Variants in KALRN observed in about 807,000 individuals in gnomAD.
KALRN encodes kalirin.
KALRN carries 70 observed loss-of-function variants against 353.7 expected under a neutral mutation model. The observed-to-expected ratio is 0.20, with a 90% confidence interval of 0.16 to 0.24. The LOEUF (loss-of-function observed/expected upper bound fraction) is 0.24, where lower values mean the gene tolerates loss of function less well. Ranked by LOEUF, KALRN falls within the 10% of genes least tolerant of loss-of-function variation. KALRN has a pLI of 1.00. For synonymous variants in KALRN, 1,391 were observed against 1,434.8 expected, an observed-to-expected ratio of 0.97 and a Z score of 0.69; for missense variants, 2,791 against 3,756.7, an observed-to-expected ratio of 0.74 and a Z score of 6.72.
chr3:124,243,514 G>T (rs2080759957), intron 3 of KALRN, among the ~76,000 whole-genome samples: 1 of 152,114 alleles, frequency 6.6e-6, no homozygotes, highest in Non-Finnish European at 1.5e-5. Context: ...CTGGACAAAA[G>T]AATTCCTAAT....
At chr3:124,163,647 G>T (rs931747483) in intron 1 of KALRN, 1 of 984,386 alleles carries the variant, frequency 1.0e-6, no homozygotes, top group African/African-American at 1.7e-5. Context: ...AAGAAGAAAG[G>T]CTATAAAGGT....
At chr3:124,321,313 ATAACT>A (rs1463042054) in intron 6 of KALRN, among the ~76,000 whole-genome samples, 7 of 152,256 alleles carry the variant, frequency 4.6e-5, no homozygotes, top group African/African-American at 1.7e-4. Flanking sequence ...CCCCTGACAC[ATAACT>A]TAAGGTTACC....
At chr3:124,435,758 G>A (rs1305483167) in intron 17 of KALRN, among the ~76,000 whole-genome samples, 2 of 152,150 alleles carry the variant, frequency 1.3e-5, no homozygotes, top group African/African-American at 4.8e-5. Flanking sequence ...AGATGATAGA[G>A]AGCTTCCCCA....
intron 1 of KALRN, among the ~76,000 whole-genome samples, chr3:124,070,189 G>A (rs2059946907): frequency 6.6e-6 from 1 of 152,178 alleles, no homozygotes; most frequent in Admixed American, 6.5e-5. Context: ...TATGGACAGA[G>A]ACAACTGTTA....
At chr3:124,537,794 T>C (rs985506424) in intron 33 of KALRN, among the ~76,000 whole-genome samples, 7 of 152,206 alleles carry the variant, frequency 4.6e-5, no homozygotes, top group African/African-American at 9.6e-5. Context: ...TTATGTGGTA[T>C]GCTCAGGGAT....
At chr3:124,214,293 G>A (rs2077133374) in intron 1 of KALRN, among the ~76,000 whole-genome samples, 5 of 152,096 alleles carry the variant, frequency 3.3e-5, no homozygotes, top group Admixed American at 3.3e-4. Flanking sequence ...AATATTTAAT[G>A]CATATTTAAT....
chr3:124,613,482 T>A (rs2078232141), intron 34 of KALRN, among the ~76,000 whole-genome samples: 1 of 152,158 alleles, frequency 6.6e-6, no homozygotes, highest in Admixed American at 6.6e-5. Flanking sequence ...ATCAGTTTGT[T>A]TTATCTGCCC....
intron 8 of KALRN, among the ~76,000 whole-genome samples, chr3:124,332,994 C>G (rs2080756411): frequency 6.6e-6 from 1 of 152,172 alleles, no homozygotes; most frequent in African/African-American, 2.4e-5. Context: ...TTGATGCACT[C>G]ACAGTTTCAC....
rs149692848 is a variant in KALRN, at chr3:124,269,820, G to A, written c.969+565G>A. On this transcript the variant is annotated intron_variant, in intron 5 of 59. Transcript: ENST00000682506. Reference sequence around the variant, plus strand: ...CATCTCTCTTGACATGCAGGGAAACGGATGTTCTTTGATCTTGGGTCTACA... The same window carrying A: ...CATCTCTCTTGACATGCAGGGAAACAGATGTTCTTTGATCTTGGGTCTACA... Among the ~76,000 whole-genome samples the A allele has an allele frequency of 5.7e-3, 875 of 152,274 alleles. 6 individuals are homozygous for A. Among genetic ancestry groups the A allele is most frequent in the African/African-American group, 0.019 (799 of 41,552 alleles).
intron 1 of KALRN, among the ~76,000 whole-genome samples, chr3:124,185,327 C>G (rs2074088416): frequency 6.6e-6 from 1 of 152,186 alleles, no homozygotes; most frequent in Admixed American, 6.5e-5. Context: ...CTAACAAATG[C>G]AACAAGCTAC....
intron 33 of KALRN, among the ~76,000 whole-genome samples, chr3:124,500,220 A>G (rs1053921706): frequency 9.9e-5 from 15 of 152,056 alleles, no homozygotes; most frequent in African/African-American, 3.6e-4. Flanking sequence ...GTGTAGGACT[A>G]CTTTATGTCT....
intron 21 of KALRN, among the ~76,000 whole-genome samples, chr3:124,448,967 T>C (rs1182085522): frequency 1.3e-5 from 2 of 152,238 alleles, no homozygotes; most frequent in Non-Finnish European, 2.9e-5. Flanking sequence ...CTATGTTCTC[T>C]GTCCCTCCTG....
intron 22 of KALRN, among the ~76,000 whole-genome samples, chr3:124,456,271 A>G (rs191372901): frequency 9.8e-5 from 15 of 152,322 alleles, no homozygotes; most frequent in Admixed American, 6.5e-4. Context: ...TAAATGGTTA[A>G]GAATCAGTCT....
intron 34 of KALRN, among the ~76,000 whole-genome samples, chr3:124,587,975 T>C (rs1454248171): frequency 1.3e-5 from 2 of 152,262 alleles, no homozygotes; most frequent in South Asian, 2.1e-4. Context: ...ATTACAGGCG[T>C]GAACCACTGC....
At chr3:124,410,515 A>G (rs1352822155) in intron 13 of KALRN, among the ~76,000 whole-genome samples, 1 of 152,238 alleles carries the variant, frequency 6.6e-6, no homozygotes, top group Admixed American at 6.5e-5. Context: ...TTAACTCAGT[A>G]TTTTAAAAAG....
intron 1 of KALRN, among the ~76,000 whole-genome samples, chr3:124,130,757 A>G (rs1427883780): frequency 3.9e-5 from 6 of 152,244 alleles, no homozygotes; most frequent in Admixed American, 3.9e-4. Context: ...AGTAGAATGG[A>G]TAAATACATT....
At chr3:124,586,572 C>T (rs1002781485) in intron 34 of KALRN, among the ~76,000 whole-genome samples, 7 of 152,162 alleles carry the variant, frequency 4.6e-5, no homozygotes, top group African/African-American at 1.7e-4. Context: ...GTGCCTCCTG[C>T]CTAGGGCCTG....
At chr3:124,050,166 A>G (rs2040891686) in intron 1 of KALRN, among the ~76,000 whole-genome samples, 1 of 152,172 alleles carries the variant, frequency 6.6e-6, no homozygotes. Flanking sequence ...GGCTGGTCTG[A>G]TGACCTCTCT....
chr3:124,065,883 T>C (rs1021873759), intron 1 of KALRN, among the ~76,000 whole-genome samples: 2 of 152,120 alleles, frequency 1.3e-5, no homozygotes, highest in Admixed American at 6.5e-5. Flanking sequence ...TCTCAGGAAG[T>C]TGAGATTTCA....
Sources: allele counts gnomAD v4.1 joint callset (sites outside exome capture counted in the v4.1 genomes callset), GRCh38; gene constraint gnomAD v4.1.1; transcripts MANE v1.5; gene names NCBI Gene and HGNC (gene_info 2026-07-23, HGNC 2026-07-21).